Variants in PARD6G observed in about 807,000 individuals in gnomAD.
PARD6G encodes the protein partitioning defective 6 homolog gamma.
A neutral mutation model predicts 10.7 loss-of-function variants in PARD6G; 7 were observed. That is an observed-to-expected ratio of 0.66 (90% CI 0.37 to 1.23). The LOEUF (loss-of-function observed/expected upper bound fraction) is 1.23. PARD6G is among the 50% of genes most tolerant of loss of function. The pLI is 0.02. For synonymous variants in PARD6G, 287 were observed against 269.4 expected (o/e 1.07, Z -0.64); for missense variants, 548 against 571.8 (o/e 0.96, Z 0.42).
intron 1 of PARD6G, among the ~76,000 whole-genome samples, chr18:80,227,246 C>A (rs543674732): frequency 9.1e-4 from 138 of 152,348 alleles, no homozygotes; most frequent in Non-Finnish European, 2.1e-4. Flanking sequence ...ACAGGCATGG[C>A]CTGGCTTGAC....
rs927673676 is a variant in PARD6G at position 80,159,824 on chromosome 18, G to A, written c.1078C>T (p.Leu360=). 4.7e-6 allele frequency: 7 copies of A among 1,486,150 alleles called. No homozygotes were observed. The highest frequency in any genetic ancestry group is 2.8e-5 in the East Asian group (1 of 35,328). The allele number at this position is 1,486,150 out of a possible 1,614,324, so 92.1% of individuals were successfully genotyped here. ...SSLRADPRHS[L]ALPPGGVEEH... The stretch of plus-strand genomic sequence containing the variant: ...TCCACGCCGCCTGGCGGCAGCGCCA[G>A]GCTGTGACGGGGGTCGGCCCGCAGG... Residue 360 remains leucine (L), a synonymous_variant, in exon 3 of 3, where the codon CTG becomes TTG. Transcript: ENST00000353265.
chr18:80,234,289 C>T (rs1223607276), intron 1 of PARD6G, among the ~76,000 whole-genome samples: 1 of 152,134 alleles, frequency 6.6e-6, no homozygotes, highest in Non-Finnish European at 1.5e-5. Context: ...GATTGATCAG[C>T]TGGTGTGAAC....
chr18:80,217,193 G>A (rs1455990242), intron 1 of PARD6G, among the ~76,000 whole-genome samples: 1 of 152,204 alleles, frequency 6.6e-6, no homozygotes, highest in Non-Finnish European at 1.5e-5. Context: ...GGAACAATTT[G>A]AGCAAGTAGT....
At chr18:80,236,309 T>C in intron 1 of PARD6G, among the ~76,000 whole-genome samples, 1 of 152,178 alleles carries the variant, frequency 6.6e-6, no homozygotes, top group South Asian at 2.1e-4. Flanking sequence ...CAATGCTTCA[T>C]GCTAAAAACT....
chr18:80,229,062 C>G (rs559214467), intron 1 of PARD6G, among the ~76,000 whole-genome samples: 1 of 152,206 alleles, frequency 6.6e-6, no homozygotes, highest in South Asian at 2.1e-4. Context: ...CCTCAGCCTC[C>G]CGAGTAGCTG....
chr18:80,185,608 G>T (rs1247940446), intron 2 of PARD6G, among the ~76,000 whole-genome samples: 1 of 151,790 alleles, frequency 6.6e-6, no homozygotes, highest in African/African-American at 2.4e-5. Flanking sequence ...ACACGCACAT[G>T]CTCCCACACC....
Position 80,177,218 on chromosome 18 carries a change from G to GCGCACA in PARD6G, c.296-16613_296-16612insTGTGCG, listed in dbSNP as rs1555734815. On this transcript the variant is annotated intron_variant, in intron 2 of 2. Transcript: ENST00000353265. Reference sequence around the variant, plus strand: ...ATAAATCACAGCCTAAATGGGAAGCGCACACACACACACACACACACACAC... The same window carrying GCGCACA: ...ATAAATCACAGCCTAAATGGGAAGCGCGCACACACACACACACACACACACACACAC... Among the ~76,000 whole-genome samples the GCGCACA allele has an allele frequency of 2.4e-3, 235 of 98,884 alleles. 2 individuals carry two copies. Among genetic ancestry groups the GCGCACA allele is most frequent in the African/African-American group, 7.5e-3 (163 of 21,800 alleles). The allele number at this position is 98,884 out of a possible 152,430, so 64.9% of individuals were successfully genotyped here.
At chr18:80,211,188 A>T (rs1568438289) in intron 1 of PARD6G, among the ~76,000 whole-genome samples, 1 of 152,186 alleles carries the variant, frequency 6.6e-6, no homozygotes, top group Non-Finnish European at 1.5e-5. Flanking sequence ...GATAAAAATT[A>T]GATGCCAATT....
Position 80,182,989 on chromosome 18 carries a change from G to A in PARD6G, c.295+19721C>T. 5 of 660,748 alleles carry A rather than the reference G, an allele frequency of 7.6e-6. No homozygotes were observed. The highest frequency in any genetic ancestry group is 1.4e-5 in the Non-Finnish European group (5 of 362,856). The allele number at this position is 660,748 out of a possible 1,614,324, so 40.9% of individuals were successfully genotyped here. On this transcript the variant is annotated intron_variant, in intron 2 of 2. Coordinates refer to ENST00000353265, the MANE Select transcript of PARD6G (RefSeq NM_032510.4). This position sits in a 1 kb window ranked among gnomAD's most constrained non-coding sequence, Gnocchi z 4.5. The stretch of plus-strand genomic sequence containing the variant: ...TCCCAGTCCTCCTTCGTCCTGACGT[G>A]GCTCCCAGTGGAATGAGATGGCTGG...
rs866702337 is a variant in PARD6G at position 80,229,823 on chromosome 18, T to C, written c.72+17454A>G. On this transcript the variant is annotated intron_variant, in intron 1 of 2. Transcript: ENST00000353265. ...TGAGGACAGAGAGCATTTCATCCCA[T>C]GGCACAACCAAAGGAGCCTGGACAG... Among the ~76,000 whole-genome samples the C allele has an allele frequency of 2.6e-5, 4 of 152,258 alleles. 1 individual carries two copies. In the Middle Eastern group the frequency reaches 0.01, roughly 388 times the overall value.
chr18:80,196,890 TAAA>T lies in PARD6G; in HGVS notation c.295+5817_295+5819del, dbSNP rs572719232. On this transcript the variant is annotated intron_variant, in intron 2 of 2. Transcript: ENST00000353265. ...GGAGTGGGAGACTTTTTTCTTTTAT[TAAA>T]AAAAAAAAAAAAAAAAAAAAAAAAG... Among the ~76,000 whole-genome samples the T allele has an allele frequency of 8.0e-3, 702 of 88,002 alleles. 14 individuals carry two copies. The highest frequency in any genetic ancestry group is 0.032 in the South Asian group (68 of 2,096). 57.7% of individuals were successfully genotyped at this position (88,002 alleles called of 152,430 possible).
Position 80,183,236 on chromosome 18 carries a change from G to T in PARD6G, c.295+19474C>A, listed in dbSNP as rs1040074726. On this transcript the variant is annotated intron_variant, in intron 2 of 2. Transcript: ENST00000353265. The surrounding 1 kb of genome is among the most constrained non-coding windows in gnomAD (Gnocchi z 4.5). ...AGCCAGAGAGACTTCTGCAAAACAA[G>T]CTGCAGATAGGCATGGAGAAGAGCA... 18 of 701,392 alleles carry T rather than the reference G, an allele frequency of 2.6e-5. No individual in the cohort carries two copies. The Admixed American group carries it at 3.6e-4, about 14-fold the overall frequency. The allele number at this position is 701,392 out of a possible 1,614,324, so 43.4% of individuals were successfully genotyped here.
chr18:80,213,086 T>A (rs779534238), intron 1 of PARD6G, among the ~76,000 whole-genome samples: 1 of 152,214 alleles, frequency 6.6e-6, no homozygotes, highest in Non-Finnish European at 1.5e-5. Flanking sequence ...CCAGTGGTTT[T>A]GCTTAAAGTC....
At chr18:80,167,585 C>T (rs758587881) in intron 2 of PARD6G, among the ~76,000 whole-genome samples, 5 of 152,064 alleles carry the variant, frequency 3.3e-5, no homozygotes, top group African/African-American at 4.8e-5. Context: ...TGGGAGGAGG[C>T]GCTGCAGAGG....
intron 1 of PARD6G, among the ~76,000 whole-genome samples, chr18:80,233,730 T>C (rs948952193): frequency 2.0e-5 from 3 of 152,022 alleles, no homozygotes; most frequent in African/African-American, 7.2e-5. Context: ...CGCACCCAGG[T>C]CCCCAGAAAG....
intron 2 of PARD6G, among the ~76,000 whole-genome samples, chr18:80,198,139 G>A (rs1966975123): frequency 6.6e-6 from 1 of 152,220 alleles, no homozygotes; most frequent in South Asian, 2.1e-4. Flanking sequence ...AACGTCCGGA[G>A]AGAACGTCCG....
At position 80,247,413 on chromosome 18, in the gene PARD6G, GGGC is replaced by G; in HGVS notation, c.-68_-66del. On this transcript the variant is annotated 5_prime_UTR_variant, in exon 1 of 3. Coordinates refer to ENST00000353265, the MANE Select transcript of PARD6G (RefSeq NM_032510.4). The surrounding 1 kb of genome is among the most constrained non-coding windows in gnomAD (Gnocchi z 4.2). Reference sequence around the variant, plus strand: ...TCAGGGGCCGCAGAAAGACTCCCGGGGGCGGCGCCCCCAGGCCCCGGCCCCGGC... The same window carrying G: ...TCAGGGGCCGCAGAAAGACTCCCGGGGGCGCCCCCAGGCCCCGGCCCCGGC... 1 of 1,382,906 alleles carries G rather than the reference GGGC, an allele frequency of 7.2e-7. No homozygotes were observed. The allele number at this position is 1,382,906 out of a possible 1,614,324, so 85.7% of individuals were successfully genotyped here.
At chr18:80,242,140 G>A (rs971714057) in intron 1 of PARD6G, among the ~76,000 whole-genome samples, 5 of 152,140 alleles carry the variant, frequency 3.3e-5, no homozygotes, top group Non-Finnish European at 5.9e-5. Flanking sequence ...GGGCAGTGAC[G>A]CCATCAGTGC....
At chr18:80,207,352 T>C (rs1005975255) in intron 1 of PARD6G, among the ~76,000 whole-genome samples, 4 of 150,402 alleles carry the variant, frequency 2.7e-5, no homozygotes, top group Non-Finnish European at 6.0e-5. Context: ...TGAAAGATTC[T>C]TCCGATGTTT....
Sources: allele counts gnomAD v4.1 joint callset (sites outside exome capture counted in the v4.1 genomes callset), GRCh38; gene constraint gnomAD v4.1.1; non-coding constraint Gnocchi (gnomAD v3.1); transcripts MANE v1.5; gene names NCBI Gene and HGNC (gene_info 2026-07-23, HGNC 2026-07-21).